Variants in C3orf20 observed in about 807,000 individuals in gnomAD.
C3orf20 encodes the protein family with sequence similarity 149 member C.
In C3orf20, 76 loss-of-function variants were observed where a neutral mutation model predicts 88.3. The ratio of observed to expected loss-of-function variants is 0.86; its 90% CI spans 0.72 to 1.04. The LOEUF (loss-of-function observed/expected upper bound fraction) is 1.04, where lower values mean the gene tolerates loss of function less well. C3orf20 is among the 50% of genes least tolerant of loss of function. C3orf20 has a pLI of 0.00. For missense variants in C3orf20, 1,056 were observed against 1,123.3 expected (o/e 0.94, Z 0.86); for synonymous variants, 436 against 437.4 (o/e 1.00, Z 0.04).
rs571200674 is a variant in C3orf20, at chr3:14,688,881, A to G, written c.626-1116A>G. Among the ~76,000 whole-genome samples, 12 of 152,226 alleles carry G rather than the reference A, an allele frequency of 7.9e-5. No individual in the cohort carries two copies. The East Asian group carries it at 1.5e-3, about 20-fold the overall frequency. On this transcript the variant is annotated intron_variant, in intron 4 of 16. Transcript: ENST00000253697. ...AGTACAGCTGTTTTCCAACATGGCT[A>G]TATACTTTAAATAATTGTCATTTTG...
chr3:14,733,479 G>T lies in C3orf20; in HGVS notation c.1940+4791G>T, dbSNP rs148641565. On this transcript the variant is annotated intron_variant, in intron 12 of 16. Coordinates refer to ENST00000253697, the MANE Select transcript of C3orf20 (RefSeq NM_032137.5). The stretch of plus-strand genomic sequence containing the variant: ...CTTTATCTATTATATGGTGGACTTT[G>T]TGTACATATGGATTATTTCTTCCCT... 4.4e-3 allele frequency among the ~76,000 whole-genome samples: 663 copies of T among 152,220 alleles called. 4 individuals carry two copies. The highest frequency in any genetic ancestry group is 7.9e-3 in the Non-Finnish European group (536 of 68,008).
intron 5 of C3orf20, among the ~76,000 whole-genome samples, chr3:14,692,011 G>C (rs1456231411): frequency 6.6e-6 from 1 of 152,108 alleles, no homozygotes; most frequent in African/African-American, 2.4e-5. Context: ...TTCTGTGTCT[G>C]GCTTATTTCA....
chr3:14,704,736 T>C (rs924979306), intron 7 of C3orf20, 118 bp downstream of exon 7: 2 of 1,189,020 alleles, frequency 1.7e-6, no homozygotes, highest in East Asian at 2.3e-5. Context: ...AGCCTGGTGA[T>C]GGGTCTCCTG....
At chr3:14,711,706 G>A (rs1374608226) in intron 7 of C3orf20, among the ~76,000 whole-genome samples, 2 of 141,368 alleles carry the variant, frequency 1.4e-5, no homozygotes, top group African/African-American at 5.2e-5. Context: ...TGCAATCTTG[G>A]CTCGTTGCAA....
At chr3:14,688,172 T>C (rs1049373512) in intron 4 of C3orf20, among the ~76,000 whole-genome samples, 4 of 152,320 alleles carry the variant, frequency 2.6e-5, no homozygotes, top group Admixed American at 6.5e-5. Context: ...ATTATGTTTT[T>C]CGGGACCGTC....
chr3:14,721,569 GCTTTGT>G, intron 9 of C3orf20, 78 bp from the exon 10 acceptor site: 1 of 1,554,920 alleles, frequency 6.4e-7, no homozygotes, highest in East Asian at 2.3e-5. Flanking sequence ...GCCAACAGGG[GCTTTGT>G]GCTTCGTGGT....
chr3:14,736,960 G>C (rs1003864543), intron 12 of C3orf20, among the ~76,000 whole-genome samples: 2 of 152,080 alleles, frequency 1.3e-5, no homozygotes, highest in Non-Finnish European at 2.9e-5. Context: ...CTGTTTTCTG[G>C]CTTCTACCAT....
chr3:14,743,803 C>T (rs1331561456), intron 12 of C3orf20, among the ~76,000 whole-genome samples: 1 of 151,986 alleles, frequency 6.6e-6, no homozygotes, highest in Admixed American at 6.5e-5. Context: ...AAGCCACAGC[C>T]CAAGCTATAT....
At chr3:14,753,785 A>T (rs2035284249) in intron 12 of C3orf20, among the ~76,000 whole-genome samples, 1 of 152,198 alleles carries the variant, frequency 6.6e-6, no homozygotes, top group African/African-American at 2.4e-5. Context: ...TTTTATAAAG[A>T]CTGTACCATT....
intron 10 of C3orf20, chr3:14,722,034 T>C: frequency 2.3e-6 from 1 of 442,296 alleles, no homozygotes; most frequent in South Asian, 3.2e-5. Context: ...GAAAAAAGAA[T>C]ATAGTGGCTC....
Position 14,759,525 on chromosome 3 carries a change from A to G in C3orf20, c.2245-366A>G, listed in dbSNP as rs6782285. On this transcript the variant is annotated intron_variant, in intron 13 of 16. Transcript: ENST00000253697. The stretch of plus-strand genomic sequence containing the variant: ...GTGTAAAGTAGACTCAAAAGCCTGG[A>G]AACGGGTCCACCTAAGAACACAGTT... Among the ~76,000 whole-genome samples the G allele has an allele frequency of 9.3e-3, 1,417 of 152,296 alleles. 27 individuals carry two copies. Among genetic ancestry groups the G allele is most frequent in the African/African-American group, 0.032 (1,332 of 41,544 alleles).
chr3:14,728,714 G>A (rs188004422), intron 12 of C3orf20, 26 bp downstream of exon 12: 52 of 1,607,288 alleles, frequency 3.2e-5, no homozygotes, highest in Middle Eastern at 2.2e-4. Flanking sequence ...CACGTCTTCC[G>A]CAGCATCGGG....
intron 15 of C3orf20, chr3:14,767,147 A>G (rs1379441886): frequency 1.3e-5 from 2 of 152,394 alleles, no homozygotes; most frequent in Non-Finnish European, 2.9e-5. Flanking sequence ...TTAGGTCCCC[A>G]GGATGGGAAT....
At chr3:14,751,377 C>T (rs774924461) in intron 12 of C3orf20, among the ~76,000 whole-genome samples, 15 of 152,168 alleles carry the variant, frequency 9.9e-5, no homozygotes, top group Admixed American at 2.6e-4. Context: ...GGTTGGACAG[C>T]GGGTGCAGCC....
At position 14,768,921 on chromosome 3, in the gene C3orf20, T is replaced by C. The variant is rs1490295009; in HGVS notation, c.2496-3146T>C. ...GTCTCAGAATCAACCTCTAGATTAG[T>C]CTTCCAGAGAAGCACCTGGCCCACT... On this transcript the variant is annotated intron_variant, in intron 15 of 16. Coordinates refer to ENST00000253697, the MANE Select transcript of C3orf20 (RefSeq NM_032137.5). This position sits in a 1 kb window ranked among gnomAD's most constrained non-coding sequence, Gnocchi z 4.1. Among the ~76,000 whole-genome samples the C allele has an allele frequency of 6.6e-6, 1 of 152,080 alleles. No individual in the cohort carries two copies.
At position 14,689,926 on chromosome 3, in the gene C3orf20, A is replaced by C. The variant is rs1480064830; in HGVS notation, c.626-71A>C. 6.9e-6 allele frequency: 11 copies of C among 1,599,320 alleles called. No individual in the cohort carries two copies. In the Admixed American group the frequency reaches 1.5e-4, roughly 22 times the overall value. The stretch of plus-strand genomic sequence containing the variant: ...ACCGTACTACTAGAACAAGAAATCC[A>C]TGTTACATTTTTGGCTAATAAAATT... On this transcript the variant is annotated intron_variant, in intron 4 of 16. Transcript: ENST00000253697.
chr3:14,750,980 T>G (rs2035204291), intron 12 of C3orf20, among the ~76,000 whole-genome samples: 1 of 152,288 alleles, frequency 6.6e-6, no homozygotes, highest in East Asian at 1.9e-4. Flanking sequence ...CTCTGTTAAT[T>G]GTTCTTCATT....
At position 14,702,448 on chromosome 3, in the gene C3orf20, T is replaced by C. The variant is rs1194193152; in HGVS notation, c.746-682T>C. Among the ~76,000 whole-genome samples, 3 of 150,782 alleles carry C rather than the reference T, an allele frequency of 2.0e-5. No homozygotes were observed. In the East Asian group the frequency reaches 5.8e-4, roughly 29 times the overall value. ...CTCATGTCCTCACATATCTTTTTTT[T>C]TTTTTTTTTTGAGTTGGAGTCTCAC... On this transcript the variant is annotated intron_variant, in intron 5 of 16. Transcript: ENST00000253697.
At position 14,760,004 on chromosome 3, in the gene C3orf20, C is replaced by G. The variant is rs774830809; in HGVS notation, c.2352+6C>G. ...TGGTGCAGGGGATGATTCTGGTGAG[C>G]CAGCAGGGACTTGCTATCCACTGCC... On this transcript the variant is annotated splice_donor_region_variant and intron_variant, in intron 14 of 16. Coordinates refer to ENST00000253697, the MANE Select transcript of C3orf20 (RefSeq NM_032137.5). The G allele has an allele frequency of 3.1e-6, 5 of 1,607,832 alleles. No individual in the cohort carries two copies. In the East Asian group the frequency reaches 1.1e-4, roughly 36 times the overall value.
Sources: allele counts gnomAD v4.1 joint callset (sites outside exome capture counted in the v4.1 genomes callset), GRCh38; gene constraint gnomAD v4.1.1; non-coding constraint Gnocchi (gnomAD v3.1); transcripts MANE v1.5; gene names NCBI Gene and HGNC (gene_info 2026-07-23, HGNC 2026-07-21).